ZNF423: variants seen among roughly 807,000 people sequenced by gnomAD.
ZNF423 encodes the protein Ebf-associated zinc finger protein.
In ZNF423, 12 loss-of-function variants were observed where a neutral mutation model predicts 95.8. That is an observed-to-expected ratio of 0.13 (90% CI 0.08 to 0.20). ZNF423 has a LOEUF of 0.20. Ranked by LOEUF, ZNF423 falls within the 10% of genes least tolerant of loss-of-function variation. ZNF423 has a pLI of 1.00. For synonymous variants in ZNF423, 749 were observed against 711.9 expected, an observed-to-expected ratio of 1.05 and a Z score of -0.83; for missense variants, 1,316 against 1,737.1, an observed-to-expected ratio of 0.76 and a Z score of 4.31.
chr16:49,586,146 T>G (rs930959063), intron 5 of ZNF423, among the ~76,000 whole-genome samples: 1 of 152,218 alleles, frequency 6.6e-6, no homozygotes, highest in East Asian at 1.9e-4. Context: ...GGTGATGCTG[T>G]TGATGTTCTT....
At chr16:49,736,626 C>A (rs1334879564) in intron 2 of ZNF423, among the ~76,000 whole-genome samples, 1 of 152,146 alleles carries the variant, frequency 6.6e-6, no homozygotes, top group Admixed American at 6.5e-5. Flanking sequence ...GAGACCCCAT[C>A]TTTACAAAAA....
rs780193628 is a variant in ZNF423 at position 49,635,933 on chromosome 16, G to C, written c.3243C>G (p.Phe1081Leu). ...LYKCALCLKEFRSKQDLVKLD... is the reference protein window; with the variant it reads ...LYKCALCLKELRSKQDLVKLD... Reference sequence around the variant, plus strand: ...GCTTCACCAGGTCCTGCTTGCTGCGGAACTCCTTGAGGCACAGGGCGCACT... The same window carrying C: ...GCTTCACCAGGTCCTGCTTGCTGCGCAACTCCTTGAGGCACAGGGCGCACT... Residue 1081 changes from phenylalanine (F) to leucine (L), a missense_variant, in exon 4 of 8, where the codon TTC (phenylalanine) becomes TTG (leucine). Coordinates refer to ENST00000563137, the MANE Select transcript of ZNF423 (RefSeq NM_001379286.1). This position sits in a 1 kb window ranked among gnomAD's most constrained non-coding sequence, Gnocchi z 4.8. 2.5e-6 allele frequency: 4 copies of C among 1,590,418 alleles called. No individual in the cohort carries two copies. The highest frequency in any genetic ancestry group is 3.4e-6 in the Non-Finnish European group (4 of 1,167,654).
intron 5 of ZNF423, among the ~76,000 whole-genome samples, chr16:49,593,751 G>A (rs1346816526): frequency 2.6e-5 from 4 of 152,162 alleles, no homozygotes; most frequent in Admixed American, 2.0e-4. Context: ...CAGCACCGCT[G>A]GTGTGGGACC....
intron 5 of ZNF423, among the ~76,000 whole-genome samples, chr16:49,601,089 C>T (rs1409856402): frequency 6.6e-6 from 1 of 152,192 alleles, no homozygotes; most frequent in Non-Finnish European, 1.5e-5. Flanking sequence ...TTGTCTGAGA[C>T]TGGACAAGGC....
chr16:49,526,235 C>T (rs1212436562), intron 5 of ZNF423, among the ~76,000 whole-genome samples: 3 of 152,158 alleles, frequency 2.0e-5, no homozygotes, highest in Admixed American at 1.3e-4. Flanking sequence ...TCGAGACTGA[C>T]GGGCAGCATG....
intron 6 of ZNF423, 113 bp downstream of exon 6, chr16:49,525,250 T>C (rs1009778255): frequency 1.3e-6 from 2 of 1,490,144 alleles, no homozygotes; most frequent in East Asian, 2.3e-5. Flanking sequence ...AGTCCTGGTC[T>C]ATAACAGGCC....
chr16:49,691,952 T>C (rs2031799705), intron 3 of ZNF423, among the ~76,000 whole-genome samples: 1 of 151,716 alleles, frequency 6.6e-6, no homozygotes, highest in Non-Finnish European at 1.5e-5. Flanking sequence ...TGTTTGCTTG[T>C]TTGTTTGTTT....
intron 3 of ZNF423, among the ~76,000 whole-genome samples, chr16:49,640,313 C>T (rs1488305738): frequency 6.6e-6 from 1 of 152,118 alleles, no homozygotes; most frequent in East Asian, 1.9e-4. Context: ...ACACAACACC[C>T]ACCATCACAC....
At chr16:49,791,583 A>C (rs2034414607) in intron 1 of ZNF423, among the ~76,000 whole-genome samples, 1 of 152,198 alleles carries the variant, frequency 6.6e-6, no homozygotes, top group South Asian at 2.1e-4. Flanking sequence ...CAAGGTCTCC[A>C]TGGGTCCCTA....
chr16:49,608,896 C>A (rs1011128265), intron 5 of ZNF423, among the ~76,000 whole-genome samples: 1 of 152,150 alleles, frequency 6.6e-6, no homozygotes, highest in South Asian at 2.1e-4. Context: ...TATAATGAGG[C>A]ACTCACCGCC....
At chr16:49,833,344 C>A (rs1200008124) in intron 1 of ZNF423, among the ~76,000 whole-genome samples, 4 of 152,202 alleles carry the variant, frequency 2.6e-5, no homozygotes, top group African/African-American at 9.7e-5. Context: ...CAGCTCCAGA[C>A]CCCGGTATTT....
At chr16:49,781,168 G>A (rs1379662448) in intron 2 of ZNF423, among the ~76,000 whole-genome samples, 1 of 152,166 alleles carries the variant, frequency 6.6e-6, no homozygotes, top group African/African-American at 2.4e-5. Context: ...TTGATTTGGG[G>A]ATTGAAAGAA....
At chr16:49,814,907 C>T (rs2034813100) in intron 1 of ZNF423, among the ~76,000 whole-genome samples, 2 of 152,120 alleles carry the variant, frequency 1.3e-5, no homozygotes, top group Admixed American at 6.5e-5. Flanking sequence ...GGTCAGGTCT[C>T]TTCTGAAGCA....
chr16:49,730,618 G>A (rs2033139910), intron 3 of ZNF423, 153 bp downstream of exon 3: 1 of 768,594 alleles, frequency 1.3e-6, no homozygotes, highest in Non-Finnish European at 2.1e-6. Flanking sequence ...TATTTAAAAG[G>A]CGGATACAGG....
chr16:49,718,221 A>G (rs2032763903), intron 3 of ZNF423, among the ~76,000 whole-genome samples: 2 of 152,118 alleles, frequency 1.3e-5, no homozygotes, highest in Non-Finnish European at 2.9e-5. Flanking sequence ...TGAGTTCAAG[A>G]CCAGCCTGGC....
intron 5 of ZNF423, among the ~76,000 whole-genome samples, chr16:49,596,649 C>T (rs753880883): frequency 2.6e-5 from 4 of 152,166 alleles, no homozygotes; most frequent in African/African-American, 7.2e-5. Flanking sequence ...GCCACAAATG[C>T]ACTCACTTTA....
chr16:49,653,060 T>C (rs1275635768), intron 3 of ZNF423, among the ~76,000 whole-genome samples: 3 of 152,204 alleles, frequency 2.0e-5, no homozygotes, highest in Admixed American at 6.5e-5. Context: ...ACTCACCCTA[T>C]TGCTGCAGAA....
chr16:49,713,843 C>A (rs981151808), intron 3 of ZNF423, among the ~76,000 whole-genome samples: 2 of 152,190 alleles, frequency 1.3e-5, no homozygotes, highest in Non-Finnish European at 2.9e-5. Context: ...GACACGCAGG[C>A]CCAGAGAATG....
intron 5 of ZNF423, among the ~76,000 whole-genome samples, chr16:49,587,275 T>A (rs1323887160): frequency 6.6e-6 from 1 of 152,104 alleles, no homozygotes; most frequent in Non-Finnish European, 1.5e-5. Flanking sequence ...TCCCTGTGCT[T>A]TAGACAAACA....
Sources: gnomAD v4.1 joint callset for allele counts (sites outside exome capture counted in the v4.1 genomes callset) on GRCh38, gnomAD v4.1.1 for gene constraint, Gnocchi (gnomAD v3.1) non-coding constraint, MANE v1.5 for transcripts, NCBI Gene and HGNC (gene_info 2026-07-23, HGNC 2026-07-21) for gene names.